Variants in RB1 observed in about 807,000 individuals in gnomAD.
RB1 encodes the protein retinoblastoma-associated protein.
In RB1, 18 loss-of-function variants were observed where a neutral mutation model predicts 135.4. The ratio of observed to expected loss-of-function variants is 0.13; its 90% CI spans 0.09 to 0.20. RB1 has a LOEUF of 0.20. RB1 is among the 10% of genes least tolerant of loss of function. The probability of loss-of-function intolerance (pLI) is 1.00; values close to 1 mark genes in which losing one functional copy is unlikely to be tolerated. For synonymous variants in RB1, 365 were observed against 373.2 expected, an observed-to-expected ratio of 0.98 and a Z score of 0.25; for missense variants, 868 against 1,110.0, an observed-to-expected ratio of 0.78 and a Z score of 3.10.
rs892143721 is a variant in RB1 at position 48,384,534 on chromosome 13, G to A, written c.1695+3091G>A. ...AATTTGTCACAAATTGAACACATCC[G>A]TGTAAACAACACCCAGATAAAGGCC... On this transcript the variant is annotated intron_variant, in intron 17 of 26. Coordinates refer to ENST00000267163, the MANE Select transcript of RB1 (RefSeq NM_000321.3). Among the ~76,000 whole-genome samples the A allele has an allele frequency of 5.3e-5, 8 of 151,974 alleles. No homozygotes were observed. The South Asian group carries it at 6.2e-4, about 12-fold the overall frequency.
At chr13:48,350,434 G>A (rs1314563784) in intron 6 of RB1, among the ~76,000 whole-genome samples, 2 of 152,048 alleles carry the variant, frequency 1.3e-5, no homozygotes, top group African/African-American at 4.8e-5. Context: ...ATGGGTCAAT[G>A]AAGAAATTAA....
Position 48,328,176 on chromosome 13 carries a change from G to C in RB1, c.265-14423G>C. The C allele has an allele frequency of 3.4e-6, 5 of 1,456,808 alleles. No individual in the cohort carries two copies. In the Admixed American group the frequency reaches 8.4e-5, roughly 24 times the overall value. 90.2% of individuals were successfully genotyped at this position (1,456,808 alleles called of 1,614,324 possible). ...AAACCCATGCTTTCCTTTATTGAAG[G>C]AGTTTGGTCCAGCTGATGTTGGTGT... is the stretch of plus-strand genomic sequence containing the variant. On this transcript the variant is annotated intron_variant, in intron 2 of 26. Coordinates refer to ENST00000267163, the MANE Select transcript of RB1 (RefSeq NM_000321.3).
chr13:48,412,077 A>G, intron 17 of RB1: 4 of 1,459,522 alleles, frequency 2.7e-6, no homozygotes, highest in African/African-American at 1.6e-5. Flanking sequence ...GACAATTGCC[A>G]GAAATCGATC....
chr13:48,375,513 C>G (rs925670330), intron 12 of RB1, among the ~76,000 whole-genome samples: 5 of 149,018 alleles, frequency 3.4e-5, no homozygotes, highest in Admixed American at 2.0e-4. Context: ...TGCTGATATT[C>G]TAGAATGTGA....
At chr13:48,475,209 A>G (rs191634194) in intron 24 of RB1, among the ~76,000 whole-genome samples, 147 of 152,288 alleles carry the variant, frequency 9.7e-4, no homozygotes, top group Non-Finnish European at 9.4e-4. Flanking sequence ...AAGACTGCCT[A>G]TGTTATGTGT....
At chr13:48,342,517 A>G in intron 2 of RB1, 82 bp from the exon 3 acceptor site, 1 of 872,550 alleles carries the variant, frequency 1.1e-6, no homozygotes, top group Non-Finnish European at 1.9e-6. Context: ...ATAAGAAAAA[A>G]TCAGTTATAA....
At chr13:48,318,959 G>T in intron 2 of RB1, 1 of 887,184 alleles carries the variant, frequency 1.1e-6, no homozygotes, top group Non-Finnish European at 1.9e-6. Flanking sequence ...GTAGAAGCGT[G>T]GGCTTGCAGA....
chr13:48,380,098 T>C lies in RB1; in HGVS notation c.1421+14T>C, dbSNP rs771939619. The C allele has an allele frequency of 2.2e-5, 32 of 1,434,168 alleles. No homozygotes were observed. Among genetic ancestry groups the C allele is most frequent in the Non-Finnish European group, 1.2e-5 (13 of 1,066,978 alleles). The allele number at this position is 1,434,168 out of a possible 1,614,324, so 88.8% of individuals were successfully genotyped here. Reference sequence around the variant, plus strand: ...TCAAAATTTTAGGTAAATTTTTTACTTTTAGTAAAAAATTTTTTTCTTTTT... The same window carrying C: ...TCAAAATTTTAGGTAAATTTTTTACCTTTAGTAAAAAATTTTTTTCTTTTT... On this transcript the variant is annotated intron_variant, in intron 15 of 26. Transcript: ENST00000267163.
At position 48,476,805 on chromosome 13, in the gene RB1, A is replaced by G. The variant is rs774463152; in HGVS notation, c.2625A>G (p.Leu875=). ...GSNPPKPLKK[L]RFDIEGSDEA... ...ACCCTCCTAAACCACTGAAAAAACT[A>G]CGCTTTGATATTGAAGGATCAGATG... The change falls in exon 25 of 27, where the codon CTA becomes CTG. Residue 875 remains leucine (L), a synonymous_variant. Transcript: ENST00000267163. 6.2e-6 allele frequency: 10 copies of G among 1,613,636 alleles called. No individual in the cohort carries two copies. The highest frequency in any genetic ancestry group is 8.5e-6 in the Non-Finnish European group (10 of 1,179,712).
intron 10 of RB1, 94 bp from the exon 11 acceptor site, chr13:48,368,433 A>G (rs1952725573): frequency 6.7e-7 from 1 of 1,500,102 alleles, no homozygotes; most frequent in Non-Finnish European, 9.1e-7. Flanking sequence ...ATATGATTTT[A>G]TGAGACAACA....
At chr13:48,445,516 G>C (rs1235828572) in intron 17 of RB1, among the ~76,000 whole-genome samples, 1 of 152,008 alleles carries the variant, frequency 6.6e-6, no homozygotes, top group African/African-American at 2.4e-5. Context: ...CAGTTTCTTA[G>C]CATATGATCT....
At chr13:48,363,588 G>T (rs115592996) in intron 8 of RB1, among the ~76,000 whole-genome samples, 1 of 152,186 alleles carries the variant, frequency 6.6e-6, no homozygotes, top group African/African-American at 2.4e-5. Flanking sequence ...AAAAAGCCCT[G>T]CTTAGAAAAC....
intron 17 of RB1, among the ~76,000 whole-genome samples, chr13:48,401,123 T>A (rs1410710195): frequency 6.6e-6 from 1 of 152,146 alleles, no homozygotes; most frequent in Non-Finnish European, 1.5e-5. Context: ...AGTTCACTAT[T>A]CAAGTACAAA....
chr13:48,317,068 T>C, intron 2 of RB1: 1 of 771,734 alleles, frequency 1.3e-6, no homozygotes. Context: ...TGTGCCTTGC[T>C]GCTTGGCCAG....
At chr13:48,415,285 TTTTC>T (rs988517870) in intron 17 of RB1, among the ~76,000 whole-genome samples, 6 of 152,032 alleles carry the variant, frequency 3.9e-5, no homozygotes, top group South Asian at 2.1e-4. Context: ...TTCTTTTTCT[TTTTC>T]TTTCTTTCTT....
At chr13:48,410,784 T>G (rs1045376534) in intron 17 of RB1, among the ~76,000 whole-genome samples, 14 of 152,156 alleles carry the variant, frequency 9.2e-5, no homozygotes, top group Admixed American at 2.6e-4. Context: ...ACAAATTGCC[T>G]ACACAGACCA....
intron 3 of RB1, among the ~76,000 whole-genome samples, chr13:48,344,586 A>G (rs1030083191): frequency 2.0e-5 from 3 of 152,190 alleles, no homozygotes; most frequent in African/African-American, 7.2e-5. Context: ...AGAAGAACAG[A>G]AAAGTGTCCA....
intron 17 of RB1, among the ~76,000 whole-genome samples, chr13:48,438,234 T>G (rs949157199): frequency 3.9e-5 from 6 of 152,174 alleles, no homozygotes; most frequent in African/African-American, 1.4e-4. Flanking sequence ...TTCTAAGCAC[T>G]TTACATTTAT....
At chr13:48,458,609 C>G (rs1949376896) in intron 19 of RB1, among the ~76,000 whole-genome samples, 1 of 152,054 alleles carries the variant, frequency 6.6e-6, no homozygotes, top group African/African-American at 2.4e-5. Flanking sequence ...TAAGATAGGG[C>G]CCTCAAAACC....
Sources: allele counts gnomAD v4.1 joint callset (sites outside exome capture counted in the v4.1 genomes callset), GRCh38; gene constraint gnomAD v4.1.1; transcripts MANE v1.5; gene names NCBI Gene and HGNC (gene_info 2026-07-23, HGNC 2026-07-21).